Variants in GRK3 observed in about 807,000 individuals in gnomAD.
The protein encoded by GRK3 is G protein-coupled receptor kinase 3.
GRK3 carries 54 observed loss-of-function variants against 95.7 expected under a neutral mutation model. The observed-to-expected ratio is 0.56, with a 90% CI of 0.45 to 0.71. GRK3 has a LOEUF of 0.71. Among genes scored for constraint, GRK3 ranks in the 30% least tolerant of loss-of-function variants. The pLI, the probability that GRK3 is intolerant of heterozygous loss-of-function variation, is 0.00. For synonymous variants in GRK3, 281 were observed against 290.8 expected (o/e 0.97, Z 0.34); for missense variants, 649 against 851.2 (o/e 0.76, Z 2.96).
intron 1 of GRK3, among the ~76,000 whole-genome samples, chr22:25,573,670 A>G (rs772641261): frequency 6.6e-6 from 1 of 152,172 alleles, no homozygotes; most frequent in Non-Finnish European, 1.5e-5. Flanking sequence ...AGGCTGAGGC[A>G]GGTGAATCAC....
At position 25,663,046 on chromosome 22, in the gene GRK3, T is replaced by C. The variant is rs76691762; in HGVS notation, c.367-584T>C. Among the ~76,000 whole-genome samples the C allele has an allele frequency of 8.7e-3, 1,325 of 152,260 alleles. 23 individuals carry two copies. The highest frequency in any genetic ancestry group is 0.029 in the African/African-American group (1,196 of 41,536). ...GGGTATTTTTGTGTATTTTCTCTTA[T>C]TTGATGGAAATTTTATCTTTTTACA... On this transcript the variant is annotated intron_variant, in intron 4 of 20. Coordinates refer to ENST00000324198, the MANE Select transcript of GRK3 (RefSeq NM_005160.4).
intron 9 of GRK3, among the ~76,000 whole-genome samples, chr22:25,680,902 T>A (rs1384463699): frequency 1.3e-5 from 2 of 152,110 alleles, no homozygotes; most frequent in African/African-American, 4.8e-5. Flanking sequence ...ATTGTGGACA[T>A]GTAACTGAAA....
chr22:25,604,163 C>T (rs879750932), intron 1 of GRK3, among the ~76,000 whole-genome samples: 7 of 152,086 alleles, frequency 4.6e-5, no homozygotes, highest in South Asian at 2.1e-4. Flanking sequence ...TGAGTTTCTG[C>T]GTGTTAAGGT....
chr22:25,587,667 G>A (rs991004958), intron 1 of GRK3, among the ~76,000 whole-genome samples: 2 of 152,116 alleles, frequency 1.3e-5, no homozygotes, highest in African/African-American at 4.8e-5. Flanking sequence ...ATCTTGAATT[G>A]CACTCCCATA....
intron 3 of GRK3, chr22:25,647,654 C>T: frequency 6.3e-6 from 9 of 1,418,720 alleles, no homozygotes; most frequent in Non-Finnish European, 7.0e-6. Flanking sequence ...TGGTGGGAAG[C>T]AAGATCAATC....
intron 2 of GRK3, among the ~76,000 whole-genome samples, chr22:25,605,158 TG>T (rs1470992341): frequency 6.6e-6 from 1 of 152,234 alleles, no homozygotes; most frequent in African/African-American, 2.4e-5. Flanking sequence ...AGAGGTTCTT[TG>T]GTAGATACAG....
intron 2 of GRK3, among the ~76,000 whole-genome samples, chr22:25,630,627 C>T (rs998244076): frequency 6.6e-6 from 1 of 152,178 alleles, no homozygotes. Context: ...TCCCAGTTCG[C>T]GTTGTTCCTT....
Position 25,724,955 on chromosome 22 carries a change from G to T in GRK3, c.*2505G>T, listed in dbSNP as rs2085462750. The T allele has an allele frequency of 6.6e-6, 1 of 152,082 alleles. No homozygotes were observed. Among genetic ancestry groups the T allele is most frequent in the South Asian group, 2.1e-4 (1 of 4,822 alleles). The allele number at this position is 152,082 out of a possible 1,614,324, so 9.4% of individuals were successfully genotyped here. ...GGCTCACTGCAGCCTTGAATTCCTA[G>T]GTTCAAGCAATCCTCCCACGTCAGC... On this transcript the variant is annotated 3_prime_UTR_variant, in exon 21 of 21. Transcript: ENST00000324198.
intron 3 of GRK3, among the ~76,000 whole-genome samples, chr22:25,657,378 A>G (rs2084879570): frequency 6.6e-6 from 1 of 152,200 alleles, no homozygotes; most frequent in African/African-American, 2.4e-5. Context: ...GCTATTGAGT[A>G]CAGAAACATT....
rs555898134 is a variant in GRK3, at chr22:25,688,105, A to G, written c.957+438A>G. Among the ~76,000 whole-genome samples the G allele has an allele frequency of 3.8e-3, 575 of 152,052 alleles. 1 individual carries two copies. Among genetic ancestry groups the G allele is most frequent in the Middle Eastern group, 0.01 (3 of 294 alleles). On this transcript the variant is annotated intron_variant, in intron 11 of 20. Coordinates refer to ENST00000324198, the MANE Select transcript of GRK3 (RefSeq NM_005160.4). ...CAAAAAATTAGCCGGGCGTGGTGGC[A>G]GGTGCCTGTAGTCCCAGCTACTCAG...
intron 2 of GRK3, among the ~76,000 whole-genome samples, chr22:25,632,666 T>A (rs1035848007): frequency 2.0e-5 from 3 of 152,152 alleles, no homozygotes; most frequent in African/African-American, 7.2e-5. Context: ...TATTTAATTC[T>A]ATTATCCATT....
intron 1 of GRK3, among the ~76,000 whole-genome samples, chr22:25,578,800 G>A (rs562454677): frequency 6.6e-5 from 10 of 152,136 alleles, no homozygotes; most frequent in Middle Eastern, 3.2e-3. Flanking sequence ...CACTCTGACC[G>A]ACCTCAGCCC....
intron 3 of GRK3, among the ~76,000 whole-genome samples, chr22:25,645,207 C>T (rs1047449493): frequency 9.2e-5 from 14 of 152,168 alleles, no homozygotes; most frequent in African/African-American, 3.4e-4. Context: ...ACATTGAAAT[C>T]TCCTACAGCC....
chr22:25,588,774 A>AT (rs569905752), intron 1 of GRK3, among the ~76,000 whole-genome samples: 3,405 of 139,888 alleles, frequency 0.024, 149 homozygotes, highest in Admixed American at 0.1. Context: ...TAGTTCATTA[A>AT]TTTTTTTTTT....
In GRK3 at chr22:25,608,468, C is replaced by T. The variant is rs149760377; in HGVS notation, c.190+4015C>T. ...TGCAGGTGGAATTAAGATGATTGTC[C>T]GAGTGGGCTTAATCTACTCACATGT... On this transcript the variant is annotated intron_variant, in intron 2 of 20. Coordinates refer to ENST00000324198, the MANE Select transcript of GRK3 (RefSeq NM_005160.4). Among the ~76,000 whole-genome samples the T allele has an allele frequency of 3.1e-3, 471 of 151,866 alleles. 5 individuals carry two copies. Among genetic ancestry groups the T allele is most frequent in the African/African-American group, 9.1e-3 (377 of 41,224 alleles).
chr22:25,713,025 G>A (rs1411955832), intron 17 of GRK3, among the ~76,000 whole-genome samples: 1 of 152,210 alleles, frequency 6.6e-6, no homozygotes, highest in Non-Finnish European at 1.5e-5. Flanking sequence ...GTAAACATAA[G>A]TTCTTTTTTA....
At chr22:25,649,260 C>A (rs530289359) in intron 3 of GRK3, 2 of 1,046,894 alleles carry the variant, frequency 1.9e-6, no homozygotes, top group South Asian at 2.5e-5. Context: ...TTTATATGCT[C>A]ACATCTGCCA....
intron 2 of GRK3, among the ~76,000 whole-genome samples, chr22:25,627,615 C>T (rs1231607554): frequency 6.6e-6 from 1 of 152,212 alleles, no homozygotes; most frequent in Non-Finnish European, 1.5e-5. Context: ...ATTTATCCAA[C>T]GTTCATTGAG....
chr22:25,687,015 T>A (rs1037838773), intron 10 of GRK3, among the ~76,000 whole-genome samples: 2 of 152,230 alleles, frequency 1.3e-5, no homozygotes, highest in African/African-American at 4.8e-5. Context: ...AGACGGAGTT[T>A]CACCATGTTG....
Sources: allele counts gnomAD v4.1 joint callset (sites outside exome capture counted in the v4.1 genomes callset), GRCh38; gene constraint gnomAD v4.1.1; transcripts MANE v1.5; gene names NCBI Gene and HGNC (gene_info 2026-07-23, HGNC 2026-07-21).